Variants in ADGRB1 observed in about 807,000 individuals in gnomAD.
The protein encoded by ADGRB1 is brain-specific angiogenesis inhibitor 1.
Under a neutral mutation model 175.7 loss-of-function variants are expected in ADGRB1, and 36 were observed. The ratio of observed to expected loss-of-function variants is 0.20; its 90% confidence interval spans 0.16 to 0.27. The LOEUF (loss-of-function observed/expected upper bound fraction) is 0.27, where lower values mean the gene tolerates loss of function less well. ADGRB1 is among the 10% of genes least tolerant of loss of function. ADGRB1 has a pLI of 1.00. For missense variants in ADGRB1, 1,731 were observed against 2,255.3 expected (o/e 0.77, Z 4.71); for synonymous variants, 1,054 against 979.4 (o/e 1.08, Z -1.42).
chr8:142,526,640 C>T lies in ADGRB1; in HGVS notation c.3398+13C>T. On this transcript the variant is annotated intron_variant, in intron 24 of 30. Transcript: ENST00000517894. Reference sequence around the variant, plus strand: ...AGGAGCGGGCAGGGTAGGACCGGGGCTACGCGGCTCCTTGCCCACCCGGAG... The same window carrying T: ...AGGAGCGGGCAGGGTAGGACCGGGGTTACGCGGCTCCTTGCCCACCCGGAG... 6.2e-7 allele frequency: 1 copy of T among 1,606,602 alleles called. No homozygotes were observed. Among genetic ancestry groups the T allele is most frequent in the Non-Finnish European group, 8.5e-7 (1 of 1,176,930 alleles).
Position 142,544,339 on chromosome 8 carries a change from C to T in ADGRB1, c.4677C>T (p.Arg1559=). Residue 1559 remains arginine (R), a synonymous_variant, in exon 31 of 31, where the codon CGC becomes CGT. Coordinates refer to ENST00000517894, the MANE Select transcript of ADGRB1 (RefSeq NM_001702.3). ...EPLQPSPLEL[R]SVEWERSGAT... ...TGCAGCCGTCGCCGCTGGAGCTTCG[C>T]AGCGTGGAGTGGGAGAGGTCGGGCG... is the stretch of plus-strand genomic sequence containing the variant. 6.5e-7 allele frequency: 1 copy of T among 1,547,816 alleles called. No homozygotes were observed. Among genetic ancestry groups the T allele is most frequent in the African/African-American group, 1.4e-5 (1 of 73,052 alleles).
chr8:142,478,390 G>A (rs1184309306), intron 7 of ADGRB1, 30 bp downstream of exon 7: 3 of 1,561,172 alleles, frequency 1.9e-6, no homozygotes, highest in Non-Finnish European at 2.6e-6. Context: ...GGGGTCGGGG[G>A]GCACCTAACA....
intron 7 of ADGRB1, among the ~76,000 whole-genome samples, chr8:142,478,703 G>A (rs1217759568): frequency 1.3e-5 from 2 of 150,310 alleles, no homozygotes; most frequent in South Asian, 2.1e-4. Flanking sequence ...GGGACTTGGG[G>A]TGTTTCTGGG....
intron 2 of ADGRB1, among the ~76,000 whole-genome samples, chr8:142,468,093 G>A (rs1457665605): frequency 6.6e-6 from 1 of 152,212 alleles, no homozygotes; most frequent in Non-Finnish European, 1.5e-5. Context: ...GTGTGTGCGT[G>A]TTCATGCATG....
chr8:142,479,237 C>G, intron 7 of ADGRB1, 86 bp from the exon 8 acceptor site: 1 of 1,365,962 alleles, frequency 7.3e-7, no homozygotes, highest in African/African-American at 1.5e-5. Flanking sequence ...CTGTGTGGGT[C>G]CCTGTCTTTG....
rs375160480 is a variant in ADGRB1, at chr8:142,452,783, C to T, written c.-220+2679C>T. Among the ~76,000 whole-genome samples the T allele has an allele frequency of 5.9e-5, 9 of 152,050 alleles. No individual in the cohort carries two copies. In the East Asian group the frequency reaches 7.8e-4, roughly 13 times the overall value. On this transcript the variant is annotated intron_variant, in intron 1 of 30. Transcript: ENST00000517894. Reference sequence around the variant, plus strand: ...TCCTCCGCCCCCGGTCGGCCCGACCCCGCCTCCGGGAGTGGGTCGTGGGGC... The same window carrying T: ...TCCTCCGCCCCCGGTCGGCCCGACCTCGCCTCCGGGAGTGGGTCGTGGGGC...
intron 19 of ADGRB1, 97 bp from the exon 20 acceptor site, chr8:142,520,726 G>A (rs988790404): frequency 2.6e-5 from 26 of 987,108 alleles, no homozygotes; most frequent in Non-Finnish European, 3.5e-5. Flanking sequence ...CCTGCAGGAA[G>A]TGGGGTGGGG....
chr8:142,520,166 GGTA>G (rs1442872475), intron 19 of ADGRB1, among the ~76,000 whole-genome samples: 1 of 124,782 alleles, frequency 8.0e-6, no homozygotes, highest in Non-Finnish European at 1.7e-5. Flanking sequence ...TGGTGGTAGT[GGTA>G]GTGGTTGTGA....
In ADGRB1 at chr8:142,492,126, C is replaced by T. The variant is rs1216188317; in HGVS notation, c.2675+1311C>T. On this transcript the variant is annotated intron_variant, in intron 17 of 30. Coordinates refer to ENST00000517894, the MANE Select transcript of ADGRB1 (RefSeq NM_001702.3). The surrounding 1 kb of genome is among the most constrained non-coding windows in gnomAD (Gnocchi z 4.4). ...CTTTAATCTATACCCACTGCCACCACCCTCCACCCACCAACCATCAACCCT... is the reference window on the plus strand; with the variant it reads ...CTTTAATCTATACCCACTGCCACCATCCTCCACCCACCAACCATCAACCCT... Among the ~76,000 whole-genome samples the T allele has an allele frequency of 6.6e-6, 1 of 152,080 alleles. No homozygotes were observed. Among genetic ancestry groups the T allele is most frequent in the East Asian group, 1.9e-4 (1 of 5,170 alleles).
At chr8:142,530,580 G>A (rs1844564613) in intron 24 of ADGRB1, among the ~76,000 whole-genome samples, 1 of 152,218 alleles carries the variant, frequency 6.6e-6, no homozygotes, top group South Asian at 2.1e-4. Flanking sequence ...GCAGATGCGA[G>A]TCGGGGCGAG....
At chr8:142,472,062 G>A (rs1840701337) in intron 2 of ADGRB1, among the ~76,000 whole-genome samples, 1 of 152,206 alleles carries the variant, frequency 6.6e-6, no homozygotes, top group Admixed American at 6.5e-5. Flanking sequence ...GGTGCTGCCC[G>A]ACCTGCTGGA....
At chr8:142,489,634 G>A (rs1343283360) in intron 16 of ADGRB1, among the ~76,000 whole-genome samples, 196 bp downstream of exon 16, 1 of 152,178 alleles carries the variant, frequency 6.6e-6, no homozygotes, top group African/African-American at 2.4e-5. Context: ...CACACAGCAA[G>A]TGAGGTGCCG....
intron 18 of ADGRB1, among the ~76,000 whole-genome samples, chr8:142,513,221 C>T (rs948946162): frequency 2.0e-5 from 3 of 152,170 alleles, no homozygotes; most frequent in African/African-American, 7.2e-5. Context: ...CCCTGGGAGC[C>T]TCAGTGTCCT....
At chr8:142,462,018 C>T (rs1365373878) in intron 1 of ADGRB1, among the ~76,000 whole-genome samples, 5 of 152,022 alleles carry the variant, frequency 3.3e-5, no homozygotes, top group African/African-American at 7.2e-5. Context: ...GGTGAGGGGG[C>T]GCCCAGGACA....
chr8:142,532,695 T>C (rs1844695187), intron 24 of ADGRB1, among the ~76,000 whole-genome samples: 1 of 152,158 alleles, frequency 6.6e-6, no homozygotes, highest in African/African-American at 2.4e-5. Context: ...CTCTGAGTTC[T>C]GGGCTCCACC....
intron 24 of ADGRB1, among the ~76,000 whole-genome samples, chr8:142,529,669 TGTGTGTACCTGTGAGCGTGCATCG>T (rs1844482448): frequency 1.3e-5 from 2 of 150,934 alleles, no homozygotes; most frequent in African/African-American, 4.9e-5. Flanking sequence ...AGTGTGCATC[TGTGTGTACCTGTGAGCGTGCATCG>T]GTGTACCTGT....
At chr8:142,469,276 G>A (rs376232605) in intron 2 of ADGRB1, among the ~76,000 whole-genome samples, 5 of 140,474 alleles carry the variant, frequency 3.6e-5, no homozygotes, top group Non-Finnish European at 4.7e-5. Context: ...TGCACGTGCA[G>A]GTGAGTGAAT....
chr8:142,466,533 A>G (rs951930459), intron 2 of ADGRB1, among the ~76,000 whole-genome samples: 3 of 152,172 alleles, frequency 2.0e-5, no homozygotes, highest in African/African-American at 7.2e-5. Flanking sequence ...GGGGGCCAGG[A>G]AGCCAAGTGG....
intron 1 of ADGRB1, among the ~76,000 whole-genome samples, chr8:142,458,219 C>A (rs2131638841): frequency 6.6e-6 from 1 of 152,260 alleles, no homozygotes; most frequent in South Asian, 2.1e-4. Flanking sequence ...CATGGAGGAG[C>A]CCCAGTGCCC....
Sources: allele counts gnomAD v4.1 joint callset (sites outside exome capture counted in the v4.1 genomes callset), GRCh38; gene constraint gnomAD v4.1.1; non-coding constraint Gnocchi (gnomAD v3.1); transcripts MANE v1.5; gene names NCBI Gene and HGNC (gene_info 2026-07-23, HGNC 2026-07-21).